The following PARD3B variants were observed in gnomAD, a reference collection of about 807,000 sequenced individuals.
PARD3B encodes the protein par-3 family cell polarity regulator beta.
Under a neutral mutation model 130.2 loss-of-function variants are expected in PARD3B, and 103 were observed. The ratio of observed to expected loss-of-function variants is 0.79; its 90% CI spans 0.67 to 0.93. PARD3B has a LOEUF of 0.93. PARD3B is among the 40% of genes least tolerant of loss of function. PARD3B has a pLI of 0.00. For synonymous variants in PARD3B, 583 were observed against 553.2 expected (o/e 1.05, Z -0.76); for missense variants, 1,609 against 1,499.2 (o/e 1.07, Z -1.21).
intron 1 of PARD3B, among the ~76,000 whole-genome samples, chr2:204,647,648 G>A (rs900621519): frequency 6.6e-6 from 1 of 151,722 alleles, no homozygotes; most frequent in African/African-American, 2.4e-5. Context: ...TATTTTAGAA[G>A]TATAATTTAA....
intron 19 of PARD3B, among the ~76,000 whole-genome samples, chr2:205,423,256 G>A (rs1414445144): frequency 6.6e-6 from 1 of 152,202 alleles, no homozygotes; most frequent in African/African-American, 2.4e-5. Flanking sequence ...GGTAGAGGGA[G>A]GAAGACCAGA....
rs78028886 is a variant in PARD3B at position 205,314,247 on chromosome 2, A to T, written c.2630+12546A>T. ...CATCTTCAAGATGCATGAGAGATGA[A>T]TGTGGCAAATAGCTTTGCTTTGCGT... is the stretch of plus-strand genomic sequence containing the variant. On this transcript the variant is annotated intron_variant, in intron 18 of 22. Transcript: ENST00000406610. Among the ~76,000 whole-genome samples, 25 of 152,330 alleles carry T rather than the reference A, an allele frequency of 1.6e-4. 1 individual carries two copies. In the East Asian group the frequency reaches 4.8e-3, roughly 29 times the overall value.
rs558918964 is a variant in PARD3B, at chr2:204,708,987, G to A, written c.222+22705G>A. Among the ~76,000 whole-genome samples, 5 of 152,078 alleles carry A rather than the reference G, an allele frequency of 3.3e-5. No individual in the cohort carries two copies. The South Asian group carries it at 1.0e-3, about 32-fold the overall frequency. ...ATTAAAAATCTTATTCTGGTGGATG[G>A]GATTTTCTAATTTAGCATAGTACAT... On this transcript the variant is annotated intron_variant, in intron 2 of 22. Transcript: ENST00000406610.
intron 2 of PARD3B, among the ~76,000 whole-genome samples, chr2:204,781,267 T>C (rs1014286608): frequency 6.6e-6 from 1 of 152,132 alleles, no homozygotes; most frequent in Admixed American, 6.6e-5. Flanking sequence ...TGGTAATTTG[T>C]TGAGCAAATT....
intron 2 of PARD3B, among the ~76,000 whole-genome samples, chr2:204,786,190 CAT>C (rs1466920674): frequency 6.6e-6 from 1 of 151,154 alleles, no homozygotes; most frequent in African/African-American, 2.4e-5. Flanking sequence ...TCACATAAAT[CAT>C]ATGAGGACGA....
intron 1 of PARD3B, among the ~76,000 whole-genome samples, chr2:204,546,920 A>G (rs965936892): frequency 2.0e-5 from 3 of 152,208 alleles, no homozygotes; most frequent in African/African-American, 7.2e-5. Flanking sequence ...GTATTTGGGT[A>G]ACATTGGGCC....
In PARD3B at chr2:204,732,023, G is replaced by A. The variant is rs532225452; in HGVS notation, c.222+45741G>A. ...TTAATTTGCAGTGAGGTTGTTTCCT[G>A]TTTGTCTACGAATTTAGCCATAACT... On this transcript the variant is annotated intron_variant, in intron 2 of 22. Coordinates refer to ENST00000406610, the MANE Select transcript of PARD3B (RefSeq NM_001302769.2). 4.6e-5 allele frequency among the ~76,000 whole-genome samples: 7 copies of A among 150,952 alleles called. No homozygotes were observed. The South Asian group carries it at 1.5e-3, about 32-fold the overall frequency.
rs184934043 is a variant in PARD3B, at chr2:205,297,089, C to A, written c.2186-3441C>A. Among the ~76,000 whole-genome samples the A allele has an allele frequency of 5.4e-3, 818 of 151,846 alleles. 1 individual carries two copies. Among genetic ancestry groups the A allele is most frequent in the Non-Finnish European group, 9.5e-3 (647 of 67,968 alleles). On this transcript the variant is annotated intron_variant, in intron 16 of 22. Coordinates refer to ENST00000406610, the MANE Select transcript of PARD3B (RefSeq NM_001302769.2). ...TTGTGAGGGGAGGATCCGTTCTTCTCGATCTTAAAGAACATGGACATAGAA... is the reference window on the plus strand; with the variant it reads ...TTGTGAGGGGAGGATCCGTTCTTCTAGATCTTAAAGAACATGGACATAGAA...
chr2:204,587,487 A>G (rs1377071421), intron 1 of PARD3B, among the ~76,000 whole-genome samples: 1 of 152,240 alleles, frequency 6.6e-6, no homozygotes, highest in Non-Finnish European at 1.5e-5. Context: ...CGAAATATGA[A>G]GATATTTGCA....
At chr2:204,754,732 C>G (rs1167919434) in intron 2 of PARD3B, among the ~76,000 whole-genome samples, 1 of 152,122 alleles carries the variant, frequency 6.6e-6, no homozygotes, top group Non-Finnish European at 1.5e-5. Flanking sequence ...CTTTTAAACA[C>G]AAGTTTTAGA....
intron 2 of PARD3B, among the ~76,000 whole-genome samples, chr2:204,720,543 G>C (rs2038944216): frequency 6.6e-6 from 1 of 152,082 alleles, no homozygotes; most frequent in Non-Finnish European, 1.5e-5. Context: ...GAAATCAGAT[G>C]GCTGATGGTT....
At chr2:205,018,336 T>G (rs1696315847) in intron 3 of PARD3B, among the ~76,000 whole-genome samples, 1 of 152,142 alleles carries the variant, frequency 6.6e-6, no homozygotes, top group African/African-American at 2.4e-5. Context: ...AGCATAATTG[T>G]TTTCATGTAA....
intron 2 of PARD3B, among the ~76,000 whole-genome samples, chr2:204,851,200 C>A (rs1048040068): frequency 4.7e-4 from 71 of 152,222 alleles, no homozygotes; most frequent in African/African-American, 1.5e-3. Flanking sequence ...ACACACACTT[C>A]CCTTTCTGCT....
chr2:205,408,174 T>C (rs149409259), intron 19 of PARD3B, among the ~76,000 whole-genome samples: 209 of 152,336 alleles, frequency 1.4e-3, no homozygotes, highest in Non-Finnish European at 2.3e-3. Context: ...GACTTCTCCC[T>C]TGCCTTATCA....
intron 7 of PARD3B, among the ~76,000 whole-genome samples, chr2:205,119,787 T>C: frequency 6.6e-6 from 1 of 151,978 alleles, no homozygotes; most frequent in Non-Finnish European, 1.5e-5. Flanking sequence ...GTCTTCAAAA[T>C]AAATAAATAA....
At position 204,664,011 on chromosome 2, in the gene PARD3B, A is replaced by G. The variant is rs2035925087; in HGVS notation, c.121-22170A>G. Among the ~76,000 whole-genome samples the G allele has an allele frequency of 6.6e-6, 1 of 152,212 alleles. No individual in the cohort carries two copies. The highest frequency in any genetic ancestry group is 6.5e-5 in the Admixed American group (1 of 15,282). On this transcript the variant is annotated intron_variant, in intron 1 of 22. Transcript: ENST00000406610. This position sits in a 1 kb window ranked among gnomAD's most constrained non-coding sequence, Gnocchi z 5.2. Reference sequence around the variant, plus strand: ...TGCAAAAACTCTTTTCAGTATCCAAACATGACAGTAAACTCATATTGTTCA... The same window carrying G: ...TGCAAAAACTCTTTTCAGTATCCAAGCATGACAGTAAACTCATATTGTTCA...
At chr2:205,471,865 G>A (rs1328326907) in intron 20 of PARD3B, among the ~76,000 whole-genome samples, 1 of 152,182 alleles carries the variant, frequency 6.6e-6, no homozygotes, top group Non-Finnish European at 1.5e-5. Context: ...TTCAAATGGA[G>A]TTGTCATGTT....
chr2:204,624,440 G>A (rs888701624), intron 1 of PARD3B, among the ~76,000 whole-genome samples: 2 of 152,144 alleles, frequency 1.3e-5, no homozygotes, highest in Non-Finnish European at 2.9e-5. Flanking sequence ...ATAGAAATAT[G>A]TAATGCAGCA....
intron 2 of PARD3B, among the ~76,000 whole-genome samples, chr2:204,891,752 T>A (rs1301940789): frequency 6.6e-6 from 1 of 152,152 alleles, no homozygotes; most frequent in Admixed American, 6.5e-5. Flanking sequence ...GCCCCAGATG[T>A]TCCCCCTGGA....
Sources: gnomAD v4.1 joint callset for allele counts (sites outside exome capture counted in the v4.1 genomes callset) on GRCh38, gnomAD v4.1.1 for gene constraint, Gnocchi (gnomAD v3.1) non-coding constraint, MANE v1.5 for transcripts, NCBI Gene and HGNC (gene_info 2026-07-23, HGNC 2026-07-21) for gene names.